Variants in DGKB observed in about 807,000 individuals in gnomAD.
The protein encoded by DGKB is 90 kDa diacylglycerol kinase.
A neutral mutation model predicts 114.3 loss-of-function variants in DGKB; 67 were observed. That is an observed-to-expected ratio of 0.59 (90% CI 0.48 to 0.72). The LOEUF (loss-of-function observed/expected upper bound fraction) is 0.72. Ranked by LOEUF, DGKB falls within the 30% of genes least tolerant of loss-of-function variation. The pLI is 0.00. For missense variants in DGKB, 907 were observed against 975.2 expected (o/e 0.93, Z 0.93); for synonymous variants, 398 against 323.1 (o/e 1.23, Z -2.49).
chr7:14,789,667 C>G (rs1293071052), intron 2 of DGKB, among the ~76,000 whole-genome samples: 1 of 152,090 alleles, frequency 6.6e-6, no homozygotes. Context: ...GATGCTCCTA[C>G]CTCAGCCTTC....
intron 1 of DGKB, among the ~76,000 whole-genome samples, chr7:14,852,487 C>CAAAAAAAA: frequency 1.4e-4 from 9 of 63,636 alleles, no homozygotes; most frequent in African/African-American, 4.0e-4. Flanking sequence ...TAGTGAAAGT[C>CAAAAAAAA]AAAAAAAAAA....
intron 25 of DGKB, among the ~76,000 whole-genome samples, chr7:14,157,139 A>G (rs1389761567): frequency 6.6e-6 from 1 of 152,148 alleles, no homozygotes; most frequent in Non-Finnish European, 1.5e-5. Context: ...CAAAATAAAT[A>G]CCATAAAATA....
chr7:14,822,172 T>C (rs1650748620), intron 2 of DGKB, among the ~76,000 whole-genome samples: 1 of 152,182 alleles, frequency 6.6e-6, no homozygotes, highest in South Asian at 2.1e-4. Context: ...CAATTGAAGA[T>C]GTCAATTAGA....
chr7:14,733,274 G>C (rs184364932), intron 5 of DGKB, among the ~76,000 whole-genome samples: 1 of 152,312 alleles, frequency 6.6e-6, no homozygotes, highest in African/African-American at 2.4e-5. Context: ...AGAGAAAAAT[G>C]ATGATAAACA....
At chr7:14,304,087 A>ACACACACACACACACACACT (rs140836395) in intron 23 of DGKB, among the ~76,000 whole-genome samples, 14 of 110,120 alleles carry the variant, frequency 1.3e-4, no homozygotes, top group African/African-American at 4.4e-4. Flanking sequence ...ACACACACAC[A>ACACACACACACACACACACT]CTCTCTCTCT....
At chr7:14,654,503 T>C (rs904140219) in intron 13 of DGKB, among the ~76,000 whole-genome samples, 1 of 151,930 alleles carries the variant, frequency 6.6e-6, no homozygotes, top group Non-Finnish European at 1.5e-5. Flanking sequence ...TATTAAAAAT[T>C]GCAATTACAT....
At chr7:14,435,545 T>C (rs1170352131) in intron 21 of DGKB, among the ~76,000 whole-genome samples, 1 of 152,104 alleles carries the variant, frequency 6.6e-6, no homozygotes, top group East Asian at 1.9e-4. Context: ...AGATAACAGA[T>C]AATAAACTTC....
rs1045011800 is a variant in DGKB, at chr7:14,661,522, T to G, written c.1134+11407A>C. On this transcript the variant is annotated intron_variant, in intron 13 of 25. Transcript: ENST00000402815. ...ACAATGAGATACCATCTCACACCAG[T>G]TAGAATGGCAATCATTAAAAAGTCA... Among the ~76,000 whole-genome samples the G allele has an allele frequency of 4.0e-5, 6 of 148,962 alleles. 1 individual carries two copies. Among genetic ancestry groups the G allele is most frequent in the Non-Finnish European group, 7.5e-5 (5 of 67,008 alleles).
intron 5 of DGKB, among the ~76,000 whole-genome samples, chr7:14,724,844 A>C (rs1332367558): frequency 2.0e-5 from 3 of 152,224 alleles, no homozygotes; most frequent in Non-Finnish European, 4.4e-5. Context: ...AGCAGTAAAA[A>C]TGAGATCTGT....
At chr7:14,325,364 G>A (rs1483260764) in intron 23 of DGKB, among the ~76,000 whole-genome samples, 1 of 152,056 alleles carries the variant, frequency 6.6e-6, no homozygotes, top group East Asian at 1.9e-4. Flanking sequence ...AGTGAGCGAT[G>A]GTAGATGTGC....
intron 21 of DGKB, among the ~76,000 whole-genome samples, chr7:14,370,589 C>T (rs1178727282): frequency 1.3e-5 from 2 of 152,136 alleles, no homozygotes; most frequent in African/African-American, 4.8e-5. Flanking sequence ...TTTGTGTCTT[C>T]TCTTATTTTC....
intron 21 of DGKB, among the ~76,000 whole-genome samples, chr7:14,470,569 G>A (rs1781132860): frequency 6.6e-6 from 1 of 151,670 alleles, no homozygotes; most frequent in Non-Finnish European, 1.5e-5. Flanking sequence ...ATTCCTAAAA[G>A]TTTAAAGTGA....
chr7:14,658,576 C>G (rs1816337863), intron 13 of DGKB, among the ~76,000 whole-genome samples: 2 of 151,590 alleles, frequency 1.3e-5, no homozygotes, highest in Admixed American at 1.3e-4. Flanking sequence ...GAGGACTTCC[C>G]AACATAAAGA....
chr7:14,923,858 G>A (rs1267588268), intron 1 of DGKB, among the ~76,000 whole-genome samples: 1 of 151,852 alleles, frequency 6.6e-6, no homozygotes, highest in Admixed American at 6.6e-5. Flanking sequence ...AGCCGGGTGT[G>A]GTGGTGCATG....
chr7:14,547,343 T>G (rs1271948018), intron 20 of DGKB, among the ~76,000 whole-genome samples: 2 of 152,202 alleles, frequency 1.3e-5, no homozygotes, highest in African/African-American at 4.8e-5. Flanking sequence ...TATAGTTACT[T>G]CTGTCTTTCC....
At chr7:14,462,265 G>A (rs1833192500) in intron 21 of DGKB, among the ~76,000 whole-genome samples, 1 of 152,112 alleles carries the variant, frequency 6.6e-6, no homozygotes, top group African/African-American at 2.4e-5. Flanking sequence ...GGGCAATCAG[G>A]CAAGAGAAAG....
At chr7:14,698,284 A>C in intron 7 of DGKB, 115 bp from the exon 8 acceptor site, 1 of 620,160 alleles carries the variant, frequency 1.6e-6, no homozygotes, top group Non-Finnish European at 2.8e-6. Flanking sequence ...AATGAGTTCT[A>C]TGGGAATATA....
At chr7:14,191,665 C>T (rs1178403781) in intron 23 of DGKB, 9 of 308,768 alleles carry the variant, frequency 2.9e-5, no homozygotes, top group South Asian at 1.1e-4. Flanking sequence ...AGGCTTTGAG[C>T]GAAACTCTTC....
chr7:14,503,528 C>T (rs1014781693), intron 20 of DGKB, among the ~76,000 whole-genome samples: 3 of 152,056 alleles, frequency 2.0e-5, no homozygotes, highest in Non-Finnish European at 2.9e-5. Flanking sequence ...TGGGAGTACC[C>T]TTGAGGCAAT....
Sources: gnomAD v4.1 joint callset for allele counts (sites outside exome capture counted in the v4.1 genomes callset) on GRCh38, gnomAD v4.1.1 for gene constraint, MANE v1.5 for transcripts, NCBI Gene and HGNC (gene_info 2026-07-23, HGNC 2026-07-21) for gene names.